Variants in ARFGEF1 observed in about 807,000 individuals in gnomAD.
The protein encoded by ARFGEF1 is brefeldin A-inhibited guanine nucleotide-exchange protein 1.
A neutral mutation model predicts 231.0 loss-of-function variants in ARFGEF1; 42 were observed. The ratio of observed to expected loss-of-function variants is 0.18; its 90% confidence interval spans 0.14 to 0.24. The LOEUF (loss-of-function observed/expected upper bound fraction) is 0.24, where lower values mean the gene tolerates loss of function less well. ARFGEF1 is among the 10% of genes least tolerant of loss of function. The pLI is 1.00. For missense variants in ARFGEF1, 1,345 were observed against 2,192.0 expected, an observed-to-expected ratio of 0.61 and a Z score of 7.72; for synonymous variants, 710 against 732.3, an observed-to-expected ratio of 0.97 and a Z score of 0.49.
chr8:67,311,258 C>T (rs1408710208), intron 1 of ARFGEF1, among the ~76,000 whole-genome samples: 62 of 125,966 alleles, frequency 4.9e-4, no homozygotes, highest in Admixed American at 5.3e-4. Flanking sequence ...GCCCCCCGCC[C>T]GGCCAGCCGC....
chr8:67,224,982 C>A lies in ARFGEF1; in HGVS notation c.4129G>T (p.Val1377Leu), dbSNP rs1246422272. Residue 1377 changes from valine (V) to leucine (L), a missense_variant, in exon 29 of 39, where the codon GTG (valine) becomes TTG (leucine). By Grantham distance (32) the Val-to-Leu change is conservative. Transcript: ENST00000262215. ...DDMNVAPEDR[V>L]WVRGWFPILF... Reference sequence around the variant, plus strand: ...ATTGGGAACCATCCTCTCACCCACACCCTGTCTTCAGGTGCTACGTTCATA... The same window carrying A: ...ATTGGGAACCATCCTCTCACCCACAACCTGTCTTCAGGTGCTACGTTCATA... The A allele has an allele frequency of 1.2e-6, 2 of 1,606,808 alleles. No homozygotes were observed. The highest frequency in any genetic ancestry group is 4.5e-5 in the East Asian group (2 of 44,568).
downstream of ARFGEF1, chr8:67,196,409 A>T (rs1760371371): frequency 1.3e-5 from 2 of 152,152 alleles, no homozygotes; most frequent in African/African-American, 4.8e-5. Context: ...GAGTTTTCTA[A>T]TCACTCAGTA....
chr8:67,244,114 T>C (rs895062348), intron 19 of ARFGEF1, among the ~76,000 whole-genome samples: 7 of 151,134 alleles, frequency 4.6e-5, no homozygotes, highest in Admixed American at 3.3e-4. Context: ...TGGTGGCAGG[T>C]GCCTGGAATC....
intron 5 of ARFGEF1, among the ~76,000 whole-genome samples, chr8:67,295,323 A>G (rs1806184979): frequency 6.6e-6 from 1 of 152,160 alleles, no homozygotes; most frequent in African/African-American, 2.4e-5. Context: ...ATTAATTGCA[A>G]AAGAAAAACT....
At chr8:67,231,675 T>C (rs542525413) in intron 23 of ARFGEF1, among the ~76,000 whole-genome samples, 14 of 152,188 alleles carry the variant, frequency 9.2e-5, no homozygotes, top group African/African-American at 2.6e-4. Context: ...GGCTATTACA[T>C]AGCTCTGCAG....
intron 1 of ARFGEF1, among the ~76,000 whole-genome samples, chr8:67,330,625 C>G (rs188721337): frequency 6.6e-6 from 1 of 152,132 alleles, no homozygotes; most frequent in Non-Finnish European, 1.5e-5. Context: ...CATTTTTGGA[C>G]ACTGGTGTAT....
intron 10 of ARFGEF1, among the ~76,000 whole-genome samples, chr8:67,270,099 A>C (rs1293447568): frequency 6.6e-6 from 1 of 152,190 alleles, no homozygotes; most frequent in African/African-American, 2.4e-5. Context: ...CAAAAGTTCT[A>C]AAAGTTTTTT....
At chr8:67,221,776 G>T (rs942897120) in intron 29 of ARFGEF1, among the ~76,000 whole-genome samples, 2 of 151,294 alleles carry the variant, frequency 1.3e-5, no homozygotes, top group Non-Finnish European at 2.9e-5. Flanking sequence ...TCCAGTCATG[G>T]TAAGTGCCCT....
intron 4 of ARFGEF1, among the ~76,000 whole-genome samples, chr8:67,297,449 A>G (rs933669489): frequency 6.6e-6 from 1 of 152,178 alleles, no homozygotes; most frequent in Non-Finnish European, 1.5e-5. Context: ...CGTAAGTGCC[A>G]TATACCTGTG....
chr8:67,317,621 A>AT (rs1159220578), intron 1 of ARFGEF1, among the ~76,000 whole-genome samples: 11 of 151,694 alleles, frequency 7.3e-5, no homozygotes, highest in Non-Finnish European at 1.6e-4. Flanking sequence ...AAAAAAAAAA[A>AT]AAAAAAAGGT....
chr8:67,254,839 G>T (rs943484869), intron 17 of ARFGEF1, among the ~76,000 whole-genome samples: 1 of 151,402 alleles, frequency 6.6e-6, no homozygotes, highest in African/African-American at 2.4e-5. Context: ...AGTGTTTAAC[G>T]TATCATTTAA....
chr8:67,307,085 G>A (rs1017718005), intron 1 of ARFGEF1, among the ~76,000 whole-genome samples: 1 of 152,106 alleles, frequency 6.6e-6, no homozygotes, highest in African/African-American at 2.4e-5. Context: ...AGCCACAAAT[G>A]GATAGTTTTT....
Position 67,198,675 on chromosome 8 carries a change from A to C in ARFGEF1, c.*259T>G. 1 of 1,174,124 alleles carries C rather than the reference A, an allele frequency of 8.5e-7. No individual in the cohort carries two copies. The highest frequency in any genetic ancestry group is 1.1e-6 in the Non-Finnish European group (1 of 949,682). 72.7% of individuals were successfully genotyped at this position (1,174,124 alleles called of 1,614,324 possible). ...CGTGGGGCTTTTCCTGCCGTGGAAG[A>C]CAGGGAAGGACCCGTGAGCATGAGC... On this transcript the variant is annotated 3_prime_UTR_variant, in exon 39 of 39. Coordinates refer to ENST00000262215, the MANE Select transcript of ARFGEF1 (RefSeq NM_006421.5).
In ARFGEF1 at chr8:67,277,445, C is replaced by T. The variant is rs770012022; in HGVS notation, c.1040G>A (p.Gly347Glu). ...ATCTGCACTTGCATTTATAGTAGTCCCTTCTCCCATATCTAAAATGATAAG... is the reference window on the plus strand; with the variant it reads ...ATCTGCACTTGCATTTATAGTAGTCTCTTCTCCCATATCTAAAATGATAAG... ...VNIVVGDMGE[G>E]TTINASADGN... The change falls in exon 8 of 39, where the codon GGG (glycine) becomes GAG (glutamate). Residue 347 changes from glycine to glutamate, a missense_variant. This residue lies in a region of ARFGEF1 where 398 missense variants were observed against 463.2 expected (regional missense o/e 0.86). Coordinates refer to ENST00000262215, the MANE Select transcript of ARFGEF1 (RefSeq NM_006421.5). 3 of 1,612,430 alleles carry T rather than the reference C, an allele frequency of 1.9e-6. No individual in the cohort carries two copies. The highest frequency in any genetic ancestry group is 2.5e-6 in the Non-Finnish European group (3 of 1,179,024).
chr8:67,236,965 A>G (rs1839790128), intron 22 of ARFGEF1, among the ~76,000 whole-genome samples: 1 of 152,200 alleles, frequency 6.6e-6, no homozygotes, highest in Non-Finnish European at 1.5e-5. Flanking sequence ...GTTTGACTAA[A>G]ACTTCTAGAA....
intron 5 of ARFGEF1, among the ~76,000 whole-genome samples, chr8:67,192,065 TG>T (rs1563803291): frequency 7.0e-5 from 10 of 142,574 alleles, no homozygotes; most frequent in African/African-American, 2.7e-4. Context: ...TTTGCTGATT[TG>T]TTTTTTTTTT....
chr8:67,321,751 C>T lies in ARFGEF1; in HGVS notation c.125-19285G>A, dbSNP rs1013943085. Among the ~76,000 whole-genome samples, 20 of 152,304 alleles carry T rather than the reference C, an allele frequency of 1.3e-4. No individual in the cohort carries two copies. In the East Asian group the frequency reaches 3.9e-3, roughly 29 times the overall value. ...CTGGGATTACAGGCATGAGCCACCA[C>T]ACCCGGCCGAGAACTTCTGTTTTAA... On this transcript the variant is annotated intron_variant, in intron 1 of 38. Coordinates refer to ENST00000262215, the MANE Select transcript of ARFGEF1 (RefSeq NM_006421.5).
chr8:67,272,256 T>TC (rs1215671728), intron 9 of ARFGEF1, among the ~76,000 whole-genome samples: 1 of 152,072 alleles, frequency 6.6e-6, no homozygotes, highest in Non-Finnish European at 1.5e-5. Flanking sequence ...AACCTCTGCC[T>TC]CCCGGGTTCA....
rs1259152575 is a variant in ARFGEF1, at chr8:67,238,250, TCTTCTC to T, written c.3289+87_3289+92del. 5 of 1,325,938 alleles carry T rather than the reference TCTTCTC, an allele frequency of 3.8e-6. No individual in the cohort carries two copies. The East Asian group carries it at 7.4e-5, about 20-fold the overall frequency. The allele number at this position is 1,325,938 out of a possible 1,614,324, so 82.1% of individuals were successfully genotyped here. On this transcript the variant is annotated intron_variant, in intron 22 of 38. Coordinates refer to ENST00000262215, the MANE Select transcript of ARFGEF1 (RefSeq NM_006421.5). ...ATAAGGTTAGACAAAAGGCATTTTATCTTCTCCTTCTAATTATATTTCATTACTACA... is the reference window on the plus strand; with the variant it reads ...ATAAGGTTAGACAAAAGGCATTTTATCTTCTAATTATATTTCATTACTACA...
Sources: allele counts gnomAD v4.1 joint callset (sites outside exome capture counted in the v4.1 genomes callset), GRCh38; gene constraint gnomAD v4.1.1; regional missense constraint gnomAD v4.1.1; transcripts MANE v1.5; gene names NCBI Gene and HGNC (gene_info 2026-07-23, HGNC 2026-07-21).